Variants in PDE1C observed in about 807,000 individuals in gnomAD.
PDE1C encodes phosphodiesterase 1C.
In PDE1C, 62 loss-of-function variants were observed where a neutral mutation model predicts 93.1. That is an observed-to-expected ratio of 0.67 (90% CI 0.54 to 0.82). The LOEUF is 0.82. Among genes scored for constraint, PDE1C ranks in the 40% least tolerant of loss-of-function variants. The pLI, the probability that PDE1C is intolerant of heterozygous loss-of-function variation, is 0.00. For synonymous variants in PDE1C, 325 were observed against 310.1 expected (o/e 1.05, Z -0.50); for missense variants, 742 against 884.6 (o/e 0.84, Z 2.04).
In PDE1C at chr7:32,061,691, G is replaced by A. The variant is rs145679518; in HGVS notation, c.101+8602C>T. Among the ~76,000 whole-genome samples, 275 of 152,330 alleles carry A rather than the reference G, an allele frequency of 1.8e-3. 1 individual carries two copies. The highest frequency in any genetic ancestry group is 6.2e-3 in the African/African-American group (257 of 41,582). On this transcript the variant is annotated intron_variant, in intron 1 of 17. Transcript: ENST00000396191. ...TTTCTGCCCTTGGAATACTGGGAAT[G>A]ACCATACTGGTTTCTGTCTCTGTTC...
intron 1 of PDE1C, among the ~76,000 whole-genome samples, chr7:32,285,998 G>A (rs1421948668): frequency 1.3e-5 from 2 of 152,232 alleles, no homozygotes; most frequent in Admixed American, 1.3e-4. Context: ...GCTTTTCAAG[G>A]ATGAGAAAAT....
intron 3 of PDE1C, among the ~76,000 whole-genome samples, chr7:32,132,377 G>A (rs1584823069): frequency 2.0e-5 from 3 of 152,108 alleles, no homozygotes; most frequent in South Asian, 2.1e-4. Flanking sequence ...TTATCATATC[G>A]GTTAAGCAGG....
intron 3 of PDE1C, among the ~76,000 whole-genome samples, chr7:32,149,005 T>C (rs1284834020): frequency 6.6e-6 from 1 of 152,164 alleles, no homozygotes; most frequent in Non-Finnish European, 1.5e-5. Context: ...GTAAAGACAT[T>C]GGTAAAATGG....
At chr7:32,153,103 T>C (rs1020573956) in intron 3 of PDE1C, among the ~76,000 whole-genome samples, 11 of 152,116 alleles carry the variant, frequency 7.2e-5, no homozygotes, top group Non-Finnish European at 1.3e-4. Flanking sequence ...ACTGAAATAG[T>C]AGTAAAAATA....
At chr7:32,288,378 C>CA (rs980017732) in intron 1 of PDE1C, among the ~76,000 whole-genome samples, 16 of 152,102 alleles carry the variant, frequency 1.1e-4, no homozygotes, top group Non-Finnish European at 2.1e-4. Context: ...ATAATTACCC[C>CA]AAAAAATAGC....
intron 2 of PDE1C, among the ~76,000 whole-genome samples, chr7:31,964,264 T>G (rs1429750526): frequency 6.6e-6 from 1 of 152,200 alleles, no homozygotes; most frequent in Non-Finnish European, 1.5e-5. Flanking sequence ...ACCCTAATAC[T>G]GCGCTTTTCC....
intron 1 of PDE1C, among the ~76,000 whole-genome samples, chr7:32,340,181 T>A (rs970907976): frequency 6.6e-6 from 1 of 152,174 alleles, no homozygotes; most frequent in South Asian, 2.1e-4. Context: ...AGCAGGATGG[T>A]TGAAATCTAG....
chr7:32,244,717 A>G (rs1808793059), intron 1 of PDE1C, among the ~76,000 whole-genome samples: 1 of 152,208 alleles, frequency 6.6e-6, no homozygotes, highest in East Asian at 1.9e-4. Context: ...AAAGCTCGTG[A>G]TGTTCCGCTG....
intron 3 of PDE1C, among the ~76,000 whole-genome samples, chr7:32,124,621 A>C (rs1419947852): frequency 6.6e-6 from 1 of 152,204 alleles, no homozygotes; most frequent in Non-Finnish European, 1.5e-5. Context: ...CCTATCCAAT[A>C]AGTGGTGCTA....
the PDE1C span, among the ~76,000 whole-genome samples, chr7:31,629,356 A>T: frequency 6.6e-6 from 1 of 152,186 alleles, no homozygotes; most frequent in African/African-American, 2.4e-5. Flanking sequence ...AACTTGCTTC[A>T]TTCCAAGTCC....
At chr7:31,976,142 T>C (rs1412305637) in intron 2 of PDE1C, among the ~76,000 whole-genome samples, 3 of 152,174 alleles carry the variant, frequency 2.0e-5, no homozygotes, top group Non-Finnish European at 2.9e-5. Flanking sequence ...TGTTAGCACA[T>C]AACAAATTAA....
chr7:32,292,760 A>G (rs1812412467), intron 1 of PDE1C, among the ~76,000 whole-genome samples: 1 of 152,120 alleles, frequency 6.6e-6, no homozygotes, highest in African/African-American at 2.4e-5. Flanking sequence ...TTCCAAGCCA[A>G]TCCCGAAGCC....
In PDE1C at chr7:32,157,114, T is replaced by C. The variant is rs965994885; in HGVS notation, c.308+12671A>G. 3.9e-5 allele frequency among the ~76,000 whole-genome samples: 6 copies of C among 152,288 alleles called. No homozygotes were observed. The East Asian group carries it at 1.2e-3, about 29-fold the overall frequency. On this transcript the variant is annotated intron_variant, in intron 3 of 18. Transcript: ENST00000396193. Reference sequence around the variant, plus strand: ...ATTCTGCACAACAAAACACATGGCCTGTTTGCTTCAAAATGTCAGTGTCAT... The same window carrying C: ...ATTCTGCACAACAAAACACATGGCCCGTTTGCTTCAAAATGTCAGTGTCAT...
At chr7:31,803,399 T>TTATTATTA (rs372230970) in intron 16 of PDE1C, among the ~76,000 whole-genome samples, 31 of 150,190 alleles carry the variant, frequency 2.1e-4, no homozygotes, top group South Asian at 1.5e-3. Flanking sequence ...GCTTTTTCTT[T>TTATTATTA]TTATTATTAT....
chr7:32,166,260 T>C (rs1466196933), intron 3 of PDE1C, among the ~76,000 whole-genome samples: 1 of 152,048 alleles, frequency 6.6e-6, no homozygotes, highest in South Asian at 2.1e-4. Flanking sequence ...CCGGGGGCAA[T>C]AGAGTTGGAA....
chr7:32,049,931 T>C (rs1032917884), intron 2 of PDE1C, among the ~76,000 whole-genome samples: 1 of 152,206 alleles, frequency 6.6e-6, no homozygotes, highest in African/African-American at 2.4e-5. Context: ...TGAAAATCAT[T>C]AAGTGTACTT....
intron 1 of PDE1C, among the ~76,000 whole-genome samples, chr7:32,354,185 A>G (rs574412449): frequency 1.3e-5 from 2 of 152,342 alleles, no homozygotes; most frequent in South Asian, 4.1e-4. Flanking sequence ...AATACACCAG[A>G]TGCCAGGCCA....
At chr7:32,101,423 T>C (rs934355370) in intron 3 of PDE1C, among the ~76,000 whole-genome samples, 1 of 152,190 alleles carries the variant, frequency 6.6e-6, no homozygotes, top group African/African-American at 2.4e-5. Context: ...AAATATAATC[T>C]CCAATGTTGG....
chr7:31,744,739 A>G, the PDE1C span, among the ~76,000 whole-genome samples: 1 of 152,186 alleles, frequency 6.6e-6, no homozygotes, highest in South Asian at 2.1e-4. Context: ...GCTATCTAAC[A>G]CAACATCTCC....
Sources: gnomAD v4.1 joint callset for allele counts (sites outside exome capture counted in the v4.1 genomes callset) on GRCh38, gnomAD v4.1.1 for gene constraint, MANE v1.5 for transcripts, NCBI Gene and HGNC (gene_info 2026-07-23, HGNC 2026-07-21) for gene names.